Variants in EPB41L3 observed in about 807,000 individuals in gnomAD.
EPB41L3 encodes band 4.1-like protein 3.
A neutral mutation model predicts 127.1 loss-of-function variants in EPB41L3; 57 were observed. The ratio of observed to expected loss-of-function variants is 0.45; its 90% confidence interval spans 0.36 to 0.56. The LOEUF (loss-of-function observed/expected upper bound fraction) is 0.56. Among genes scored for constraint, EPB41L3 ranks in the 20% least tolerant of loss-of-function variants. The pLI, the probability that EPB41L3 is intolerant of heterozygous loss-of-function variation, is 0.00. For synonymous variants in EPB41L3, 572 were observed against 549.5 expected (o/e 1.04, Z -0.57); for missense variants, 1,273 against 1,372.2 (o/e 0.93, Z 1.14).
At chr18:5,404,182 A>T (rs1044709879) in intron 16 of EPB41L3, among the ~76,000 whole-genome samples, 69 of 152,064 alleles carry the variant, frequency 4.5e-4, no homozygotes, top group African/African-American at 1.6e-3. Flanking sequence ...ACCTAAAGAG[A>T]TCCCTTTTCC....
In EPB41L3 at chr18:5,531,076, T is replaced by C. The variant is rs145967165; in HGVS notation, c.-12+12837A>G. Among the ~76,000 whole-genome samples, 12 of 152,332 alleles carry C rather than the reference T, an allele frequency of 7.9e-5. No individual in the cohort carries two copies. The East Asian group carries it at 2.3e-3, about 29-fold the overall frequency. On this transcript the variant is annotated intron_variant, in intron 1 of 22. Coordinates refer to ENST00000341928, the MANE Select transcript of EPB41L3 (RefSeq NM_012307.5). Reference sequence around the variant, plus strand: ...GACAACAGTGTCCATTATTTTCTCATGCATCTTACAGTTTGAAAAGTGCTT... The same window carrying C: ...GACAACAGTGTCCATTATTTTCTCACGCATCTTACAGTTTGAAAAGTGCTT...
At chr18:5,456,663 T>C (rs2083122918) in intron 3 of EPB41L3, among the ~76,000 whole-genome samples, 1 of 152,258 alleles carries the variant, frequency 6.6e-6, no homozygotes, top group Admixed American at 6.5e-5. Context: ...TGTAATACCC[T>C]GTTTGAGCCA....
chr18:5,540,948 G>A (rs958161268), intron 1 of EPB41L3, among the ~76,000 whole-genome samples: 5 of 152,020 alleles, frequency 3.3e-5, no homozygotes, highest in Non-Finnish European at 5.9e-5. Flanking sequence ...AGCCGGGCGT[G>A]GTGGCGGGCG....
At chr18:5,413,635 G>C (rs2076457708) in intron 13 of EPB41L3, among the ~76,000 whole-genome samples, 1 of 152,152 alleles carries the variant, frequency 6.6e-6, no homozygotes, top group Non-Finnish European at 1.5e-5. Context: ...AAACAGACCA[G>C]AATGACCTCA....
intron 1 of EPB41L3, among the ~76,000 whole-genome samples, chr18:5,532,135 G>A (rs951702339): frequency 6.6e-6 from 1 of 152,140 alleles, no homozygotes; most frequent in Admixed American, 6.5e-5. Context: ...CAAACAAAAA[G>A]AAAGACTTGG....
intron 3 of EPB41L3, among the ~76,000 whole-genome samples, chr18:5,460,363 G>A (rs2083781348): frequency 6.6e-6 from 1 of 152,036 alleles, no homozygotes; most frequent in Non-Finnish European, 1.5e-5. Context: ...AACTTGTTAG[G>A]GAAGGAACTA....
At chr18:5,612,623 T>G (rs2094740824) in intron 2 of EPB41L3, among the ~76,000 whole-genome samples, 1 of 152,218 alleles carries the variant, frequency 6.6e-6, no homozygotes, top group Non-Finnish European at 1.5e-5. Flanking sequence ...AGAGCACAGT[T>G]AATCCTCTCT....
At chr18:5,494,533 T>C (rs182976048) in intron 1 of EPB41L3, among the ~76,000 whole-genome samples, 1 of 151,992 alleles carries the variant, frequency 6.6e-6, no homozygotes, top group Non-Finnish European at 1.5e-5. Context: ...GGTGGGCACC[T>C]GTAACCCCAC....
intron 1 of EPB41L3, among the ~76,000 whole-genome samples, chr18:5,531,778 TCAAACTTTGGTG>T (rs1222423352): frequency 6.9e-6 from 1 of 145,042 alleles, no homozygotes; most frequent in Non-Finnish European, 1.5e-5. Flanking sequence ...GTTATAAAAG[TCAAACTTTGGTG>T]CAAACTTTGG....
At chr18:5,517,154 AC>A (rs1383361736) in intron 1 of EPB41L3, among the ~76,000 whole-genome samples, 1 of 152,112 alleles carries the variant, frequency 6.6e-6, no homozygotes, top group Non-Finnish European at 1.5e-5. Context: ...CATAGGAGGC[AC>A]TCAATATTTG....
rs575582226 is a variant in EPB41L3 at position 5,503,344 on chromosome 18, A to T, written c.-11-14150T>A. ...GAAGAATTAAGGTCTGCAGAGGATG[A>T]AACTCAGACCACTTGGAGCAGGAGC... On this transcript the variant is annotated intron_variant, in intron 1 of 22. Transcript: ENST00000341928. Among the ~76,000 whole-genome samples, 8 of 152,328 alleles carry T rather than the reference A, an allele frequency of 5.3e-5. No homozygotes were observed. In the South Asian group the frequency reaches 1.7e-3, roughly 32 times the overall value.
intron 1 of EPB41L3, among the ~76,000 whole-genome samples, chr18:5,516,616 G>A (rs1033436869): frequency 1.3e-5 from 2 of 152,208 alleles, no homozygotes; most frequent in Non-Finnish European, 1.5e-5. Flanking sequence ...TATGACTGTC[G>A]TGGATATCAG....
chr18:5,554,516 T>C (rs2094007374), intron 3 of EPB41L3, among the ~76,000 whole-genome samples: 1 of 152,072 alleles, frequency 6.6e-6, no homozygotes, highest in South Asian at 2.1e-4. Context: ...GTGACATAGT[T>C]ATATGCAACA....
chr18:5,407,455 A>C, intron 15 of EPB41L3: 2 of 553,524 alleles, frequency 3.6e-6, no homozygotes, highest in Non-Finnish European at 6.4e-6. Flanking sequence ...TAAGATTACT[A>C]TGTTTGACAT....
intron 3 of EPB41L3, among the ~76,000 whole-genome samples, chr18:5,594,830 T>C (rs16948479): frequency 0.012 from 1,782 of 152,298 alleles, 28 homozygotes; most frequent in African/African-American, 0.035. Context: ...AACCAGGACA[T>C]GATGTTGGAT....
chr18:5,495,766 A>C (rs776692526), intron 1 of EPB41L3, among the ~76,000 whole-genome samples: 1 of 152,168 alleles, frequency 6.6e-6, no homozygotes. Flanking sequence ...TCCGCGCCCA[A>C]CTCTGCCATA....
chr18:5,507,400 T>A (rs1292530126), intron 1 of EPB41L3, among the ~76,000 whole-genome samples: 1 of 152,178 alleles, frequency 6.6e-6, no homozygotes, highest in Non-Finnish European at 1.5e-5. Flanking sequence ...ATTAAGATAT[T>A]CAGACATTAA....
At chr18:5,590,428 G>A (rs1344011015) in intron 3 of EPB41L3, among the ~76,000 whole-genome samples, 1 of 152,138 alleles carries the variant, frequency 6.6e-6, no homozygotes, top group East Asian at 1.9e-4. Flanking sequence ...GAGCACCTGG[G>A]ACTCTCATAC....
At chr18:5,595,686 A>G (rs1045385774) in intron 3 of EPB41L3, among the ~76,000 whole-genome samples, 5 of 152,158 alleles carry the variant, frequency 3.3e-5, no homozygotes, top group Admixed American at 1.3e-4. Context: ...TGTTTGATAC[A>G]TACTACATAC....
Sources: gnomAD v4.1 joint callset for allele counts (sites outside exome capture counted in the v4.1 genomes callset) on GRCh38, gnomAD v4.1.1 for gene constraint, MANE v1.5 for transcripts, NCBI Gene and HGNC (gene_info 2026-07-23, HGNC 2026-07-21) for gene names.